Variants in WWOX observed in about 807,000 individuals in gnomAD.
WWOX encodes the protein WW domain-containing oxidoreductase.
In WWOX, 69 loss-of-function variants were observed where a neutral mutation model predicts 46.2. The ratio of observed to expected loss-of-function variants is 1.49; its 90% CI spans 1.23 to 1.82. The LOEUF (loss-of-function observed/expected upper bound fraction) is 1.82. WWOX is among the 40% of genes most tolerant of loss of function. WWOX has a pLI of 0.00. For synonymous variants in WWOX, 359 were observed against 202.6 expected (o/e 1.77, Z -6.56); for missense variants, 919 against 542.6 (o/e 1.69, Z -6.89).
intron 1 of WWOX, among the ~76,000 whole-genome samples, chr16:78,104,465 C>T (rs949227708): frequency 6.6e-6 from 1 of 152,150 alleles, no homozygotes; most frequent in Non-Finnish European, 1.5e-5. Flanking sequence ...GATTGCATCA[C>T]TGTACTCTAG....
At chr16:78,699,686 C>T (rs914878149) in intron 8 of WWOX, among the ~76,000 whole-genome samples, 3 of 152,210 alleles carry the variant, frequency 2.0e-5, no homozygotes, top group Admixed American at 1.3e-4. Flanking sequence ...CCCTCTTCTG[C>T]CCGCTGATAT....
chr16:78,959,916 A>G (rs879831912), intron 8 of WWOX, among the ~76,000 whole-genome samples: 3 of 152,228 alleles, frequency 2.0e-5, no homozygotes, highest in Admixed American at 6.5e-5. Flanking sequence ...AAGAGTTTCT[A>G]GATGACCTAA....
intron 8 of WWOX, among the ~76,000 whole-genome samples, chr16:78,505,530 C>T (rs952764576): frequency 3.9e-5 from 6 of 152,132 alleles, no homozygotes; most frequent in African/African-American, 9.7e-5. Context: ...GCACTGGATA[C>T]CTAGACTCTG....
intron 8 of WWOX, among the ~76,000 whole-genome samples, chr16:78,690,453 G>A (rs1206481886): frequency 6.6e-6 from 1 of 152,164 alleles, no homozygotes; most frequent in Non-Finnish European, 1.5e-5. Flanking sequence ...TCAGGAAGCT[G>A]AGATGGGAGG....
intron 8 of WWOX, among the ~76,000 whole-genome samples, chr16:78,560,350 A>G (rs950904255): frequency 2.0e-5 from 3 of 152,204 alleles, no homozygotes; most frequent in African/African-American, 7.2e-5. Flanking sequence ...ACCATCAAGA[A>G]TAACATTAGT....
At chr16:78,825,813 G>T (rs2051637338) in intron 8 of WWOX, 2 of 595,246 alleles carry the variant, frequency 3.4e-6, no homozygotes, top group Non-Finnish European at 6.2e-6. Context: ...CTCAGATAGG[G>T]TTTTCTGGGC....
At chr16:78,222,287 C>G (rs1484245998) in intron 5 of WWOX, among the ~76,000 whole-genome samples, 1 of 149,960 alleles carries the variant, frequency 6.7e-6, no homozygotes, top group Non-Finnish European at 1.5e-5. Flanking sequence ...TCTTCAGGGC[C>G]AAGGGCCCAG....
intron 8 of WWOX, among the ~76,000 whole-genome samples, chr16:78,950,087 G>A (rs1383900790): frequency 2.0e-5 from 3 of 152,196 alleles, no homozygotes; most frequent in Non-Finnish European, 4.4e-5. Context: ...CAGAGACCAA[G>A]TTCTCAACTA....
chr16:78,478,402 T>C (rs1271333137), intron 8 of WWOX, among the ~76,000 whole-genome samples: 2 of 152,176 alleles, frequency 1.3e-5, no homozygotes, highest in South Asian at 2.1e-4. Flanking sequence ...AATGTTAGCA[T>C]GAATGGCCAT....
chr16:78,436,138 A>G (rs767434443), intron 8 of WWOX, among the ~76,000 whole-genome samples: 2 of 152,202 alleles, frequency 1.3e-5, no homozygotes, highest in African/African-American at 2.4e-5. Context: ...TCCTGCCACG[A>G]TGGCTGTTAC....
intron 8 of WWOX, among the ~76,000 whole-genome samples, chr16:78,622,698 C>G (rs546291962): frequency 1.2e-4 from 18 of 152,038 alleles, no homozygotes; most frequent in East Asian, 5.8e-4. Flanking sequence ...AGACTTACTT[C>G]TGACCAATAG....
chr16:78,161,205 G>A (rs2034781934), intron 4 of WWOX, among the ~76,000 whole-genome samples: 1 of 151,950 alleles, frequency 6.6e-6, no homozygotes, highest in African/African-American at 2.4e-5. Context: ...TTTAAGGACA[G>A]TATATGTATA....
chr16:78,726,071 T>TCCCCTCCCTCCCTCTTCCTCCCTCCC (rs2048824545), intron 8 of WWOX, among the ~76,000 whole-genome samples: 1 of 96,652 alleles, frequency 1.0e-5, no homozygotes, highest in African/African-American at 3.7e-5. Context: ...CCTGCTTCCC[T>TCCCCTCCCTCCCTCTTCCTCCCTCCC]TCCCTCCCTC....
intron 7 of WWOX, among the ~76,000 whole-genome samples, chr16:78,426,250 A>T (rs2083075416): frequency 6.6e-6 from 1 of 152,172 alleles, no homozygotes; most frequent in Non-Finnish European, 1.5e-5. Flanking sequence ...GGGGCGAGGG[A>T]GGCTACTGTG....
intron 4 of WWOX, among the ~76,000 whole-genome samples, chr16:78,162,913 C>T (rs919306694): frequency 6.6e-6 from 1 of 151,994 alleles, no homozygotes; most frequent in African/African-American, 2.4e-5. Context: ...CTTCTTTACT[C>T]TTATTACTCT....
At chr16:78,859,577 AT>A (rs1268897890) in intron 8 of WWOX, among the ~76,000 whole-genome samples, 1 of 152,088 alleles carries the variant, frequency 6.6e-6, no homozygotes, top group African/African-American at 2.4e-5. Flanking sequence ...GTCATTATGG[AT>A]TTGGTTTTAG....
chr16:78,169,825 T>G (rs1361323208), intron 5 of WWOX, among the ~76,000 whole-genome samples: 12 of 151,978 alleles, frequency 7.9e-5, no homozygotes, highest in Admixed American at 5.2e-4. Flanking sequence ...AGGAGAGGGA[T>G]TGTTATGAGT....
intron 5 of WWOX, among the ~76,000 whole-genome samples, chr16:78,211,866 C>A (rs531684359): frequency 1.3e-5 from 2 of 152,256 alleles, no homozygotes; most frequent in African/African-American, 4.8e-5. Flanking sequence ...GTGGAAAGAA[C>A]GAGGTTCAAA....
At chr16:78,808,156 C>G (rs569885541) in intron 8 of WWOX, among the ~76,000 whole-genome samples, 34 of 152,284 alleles carry the variant, frequency 2.2e-4, no homozygotes, top group Middle Eastern at 3.4e-3. Flanking sequence ...ATTTTTGGCA[C>G]CCATGTTATT....
Sources: allele counts gnomAD v4.1 joint callset (sites outside exome capture counted in the v4.1 genomes callset), GRCh38; gene constraint gnomAD v4.1.1; transcripts MANE v1.5; gene names NCBI Gene and HGNC (gene_info 2026-07-23, HGNC 2026-07-21).